The following TYW1 variants were observed in gnomAD, a reference collection of about 807,000 sequenced individuals.
The protein encoded by TYW1 is tRNA-yW synthesizing protein 1 homolog.
In TYW1, 46 loss-of-function variants were observed where a neutral mutation model predicts 96.2. The ratio of observed to expected loss-of-function variants is 0.48; its 90% CI spans 0.38 to 0.61. The LOEUF (loss-of-function observed/expected upper bound fraction) is 0.61, where lower values mean the gene tolerates loss of function less well. Ranked by LOEUF, TYW1 falls within the 20% of genes least tolerant of loss-of-function variation. The probability of loss-of-function intolerance (pLI) is 0.00; values close to 1 mark genes in which losing one functional copy is unlikely to be tolerated. For missense variants in TYW1, 684 were observed against 909.6 expected, an observed-to-expected ratio of 0.75 and a Z score of 3.19; for synonymous variants, 274 against 323.0, an observed-to-expected ratio of 0.85 and a Z score of 1.63.
intron 13 of TYW1, among the ~76,000 whole-genome samples, chr7:67,172,115 C>T: frequency 6.6e-6 from 1 of 150,710 alleles, no homozygotes; most frequent in Non-Finnish European, 1.5e-5. Context: ...GCATTATTTT[C>T]CTCCCCTTTT....
At chr7:67,096,897 T>C (rs1563011283) in intron 11 of TYW1, among the ~76,000 whole-genome samples, 1 of 152,192 alleles carries the variant, frequency 6.6e-6, no homozygotes, top group Non-Finnish European at 1.5e-5. Context: ...GCCTTCTACA[T>C]TGAGTCAAGA....
At chr7:67,075,014 G>A (rs1477262208) in intron 10 of TYW1, among the ~76,000 whole-genome samples, 1 of 152,072 alleles carries the variant, frequency 6.6e-6, no homozygotes, top group Non-Finnish European at 1.5e-5. Flanking sequence ...TAATAACTGG[G>A]ATTACAGGCG....
intron 11 of TYW1, among the ~76,000 whole-genome samples, chr7:67,087,949 T>G (rs1228140060): frequency 6.6e-6 from 1 of 152,054 alleles, no homozygotes; most frequent in Non-Finnish European, 1.5e-5. Flanking sequence ...CTGCAACCTC[T>G]GCCTCCTGGG....
chr7:67,162,037 C>A (rs974507203), intron 13 of TYW1, among the ~76,000 whole-genome samples: 2 of 152,126 alleles, frequency 1.3e-5, no homozygotes, highest in African/African-American at 4.8e-5. Context: ...TGGCTCACGC[C>A]TGTAATCCCA....
At chr7:67,145,167 T>TTA (rs1798570020) in intron 13 of TYW1, among the ~76,000 whole-genome samples, 1 of 130,882 alleles carries the variant, frequency 7.6e-6, no homozygotes. Flanking sequence ...TTTTTTTTTT[T>TTA]GAAACGAGTC....
chr7:67,133,751 T>C (rs1006662253), intron 13 of TYW1, among the ~76,000 whole-genome samples: 4 of 150,330 alleles, frequency 2.7e-5, no homozygotes, highest in Admixed American at 6.6e-5. Context: ...TGGGTGAGCA[T>C]TTTGTTGTGT....
chr7:67,198,229 T>C (rs58683630), intron 15 of TYW1, among the ~76,000 whole-genome samples: 8,543 of 152,108 alleles, frequency 0.056, 506 homozygotes, highest in East Asian at 0.18. Context: ...ATCTACTCTA[T>C]AGGAGTCAGC....
intron 11 of TYW1, among the ~76,000 whole-genome samples, chr7:67,093,282 A>G (rs146776517): frequency 0.034 from 5,144 of 152,320 alleles, 259 homozygotes; most frequent in African/African-American, 0.12. Flanking sequence ...TATTTCATGT[A>G]GCTTATTTCA....
chr7:67,171,061 G>C (rs1246933091), intron 13 of TYW1, among the ~76,000 whole-genome samples: 1 of 151,928 alleles, frequency 6.6e-6, no homozygotes, highest in Admixed American at 6.6e-5. Context: ...TTTTTTGATT[G>C]TTCAATCTCT....
intron 11 of TYW1, among the ~76,000 whole-genome samples, chr7:67,093,150 A>G (rs1448399201): frequency 2.0e-5 from 3 of 152,212 alleles, no homozygotes; most frequent in African/African-American, 7.2e-5. Context: ...TGGGTGACAG[A>G]GGCAGACCTT....
intron 11 of TYW1, among the ~76,000 whole-genome samples, chr7:67,085,823 G>T (rs1796532341): frequency 6.6e-6 from 1 of 151,992 alleles, no homozygotes; most frequent in South Asian, 2.1e-4. Flanking sequence ...ACAAAAATTA[G>T]CCAGGCATGG....
intron 15 of TYW1, among the ~76,000 whole-genome samples, chr7:67,227,856 G>A (rs184207857): frequency 1.7e-4 from 26 of 152,262 alleles, no homozygotes; most frequent in Admixed American, 1.3e-3. Flanking sequence ...TCCTAGACTC[G>A]GTCCCACGTG....
At chr7:67,007,199 A>G (rs1016166520) in intron 3 of TYW1, among the ~76,000 whole-genome samples, 12 of 151,972 alleles carry the variant, frequency 7.9e-5, no homozygotes, top group African/African-American at 2.9e-4. Context: ...CCATGAGCCA[A>G]TTCTTCATTT....
intron 10 of TYW1, among the ~76,000 whole-genome samples, chr7:67,082,728 G>A (rs1268964449): frequency 6.6e-6 from 1 of 152,094 alleles, no homozygotes; most frequent in South Asian, 2.1e-4. Context: ...TGGTCTCCTT[G>A]CTGTACTGCG....
intron 6 of TYW1, among the ~76,000 whole-genome samples, chr7:67,020,167 G>T: frequency 6.6e-6 from 1 of 152,378 alleles, no homozygotes; most frequent in South Asian, 2.1e-4. Context: ...ATTGCTGGAG[G>T]CTAGGAGTTC....
At chr7:67,168,682 AG>A (rs1309167256) in intron 13 of TYW1, among the ~76,000 whole-genome samples, 1 of 152,094 alleles carries the variant, frequency 6.6e-6, no homozygotes, top group Non-Finnish European at 1.5e-5. Context: ...TCCTAGTAAT[AG>A]TATGCATATT....
At chr7:67,130,464 G>A (rs545318135) in intron 13 of TYW1, among the ~76,000 whole-genome samples, 12 of 152,044 alleles carry the variant, frequency 7.9e-5, no homozygotes, top group Non-Finnish European at 1.6e-4. Flanking sequence ...ACGAGTTCAG[G>A]AGGTCGAGAC....
Position 67,098,691 on chromosome 7 carries a change from C to T in TYW1, c.1535C>T (p.Thr512Ile), listed in dbSNP as rs772705532. 1.2e-6 allele frequency: 2 copies of T among 1,613,942 alleles called. No individual in the cohort carries two copies. The highest frequency in any genetic ancestry group is 2.7e-5 in the African/African-American group (2 of 74,938). The change falls in exon 12 of 16, where the codon ACA (threonine) becomes ATA (isoleucine). Residue 512 changes from threonine (T) to isoleucine (I), a missense_variant. Physicochemically the swap from Thr to Ile is moderately conservative, Grantham distance 89. Coordinates refer to ENST00000359626, the MANE Select transcript of TYW1 (RefSeq NM_018264.4). ...TGTAAAATTTCCAGCTTCCTGGTCA[C>T]AAACGCACAATTTCCTGCGGAAATC... The part of the protein sequence containing the change: ...HQCKISSFLV[T>I]NAQFPAEIRN...
chr7:67,238,962 A>T lies in TYW1; in HGVS notation c.*433A>T. Reference sequence around the variant, plus strand: ...GCATTGAATTGCACTACCCTGAGCTAAACGTGTCTGTGCTTTCTAAGATAA... The same window carrying T: ...GCATTGAATTGCACTACCCTGAGCTTAACGTGTCTGTGCTTTCTAAGATAA... On this transcript the variant is annotated 3_prime_UTR_variant, in exon 16 of 16. Coordinates refer to ENST00000359626, the MANE Select transcript of TYW1 (RefSeq NM_018264.4). The T allele has an allele frequency of 2.0e-6, 2 of 1,002,104 alleles. No individual in the cohort carries two copies. The highest frequency in any genetic ancestry group is 2.4e-6 in the Non-Finnish European group (2 of 838,188). 62.1% of individuals were successfully genotyped at this position (1,002,104 alleles called of 1,614,324 possible).
Sources: allele counts gnomAD v4.1 joint callset (sites outside exome capture counted in the v4.1 genomes callset), GRCh38; gene constraint gnomAD v4.1.1; transcripts MANE v1.5; gene names NCBI Gene and HGNC (gene_info 2026-07-23, HGNC 2026-07-21).